Variants in SMPD4 observed in about 807,000 individuals in gnomAD.
The protein encoded by SMPD4 is neutral sphingomyelinase 3.
In SMPD4, 58 loss-of-function variants were observed where a neutral mutation model predicts 97.8. That is an observed-to-expected ratio of 0.59 (90% CI 0.48 to 0.74). SMPD4 has a LOEUF of 0.74. SMPD4 is among the 30% of genes least tolerant of loss of function. The probability of loss-of-function intolerance (pLI) is 0.00; values close to 1 mark genes in which losing one functional copy is unlikely to be tolerated. For synonymous variants in SMPD4, 388 were observed against 450.0 expected (o/e 0.86, Z 1.74); for missense variants, 853 against 1,080.5 (o/e 0.79, Z 2.95).
chr2:130,180,973 G>A (rs1333678101), intron 1 of SMPD4, among the ~76,000 whole-genome samples: 1 of 152,132 alleles, frequency 6.6e-6, no homozygotes, highest in Admixed American at 6.5e-5. Context: ...AGCTGCTTCG[G>A]ACCCCGTTTG....
At position 130,173,638 on chromosome 2, in the gene SMPD4, G is replaced by A. The variant is rs765963554; in HGVS notation, c.145C>T (p.Pro49Ser). ...CCAAAAATGCTTTCTACCAGCCATGGGAAGATGGTGTGCAGCTCCTGAAAC... is the reference window on the plus strand; with the variant it reads ...CCAAAAATGCTTTCTACCAGCCATGAGAAGATGGTGTGCAGCTCCTGAAAC... Reference protein sequence around the residue: ...FPAKELHTIFPWLVESIFGSL... With the variant: ...FPAKELHTIFSWLVESIFGSL... Residue 49 changes from proline to serine, a missense_variant, in exon 4 of 20, where the codon CCA becomes TCA. This residue lies in a region of SMPD4 where 313 missense variants were observed against 402.2 expected (regional missense o/e 0.78). Coordinates refer to ENST00000680298, the MANE Select transcript of SMPD4 (RefSeq NM_017951.5). The A allele has an allele frequency of 2.1e-5, 34 of 1,613,780 alleles. No homozygotes were observed. Among genetic ancestry groups the A allele is most frequent in the Non-Finnish European group, 2.4e-5 (28 of 1,179,880 alleles).
rs1409553907 is a variant in SMPD4, at chr2:130,154,898, TG to T, written c.1453+197del. 65 of 727,616 alleles carry T rather than the reference TG, an allele frequency of 8.9e-5. No homozygotes were observed. The African/African-American group carries it at 1.1e-3, about 12-fold the overall frequency. 45.1% of individuals were successfully genotyped at this position (727,616 alleles called of 1,614,324 possible). ...CTGCGATCCCCCACCCAGTGCCTGGTGGCTGCAGGGCAGGCAGGATCCAGCC... is the reference window on the plus strand; with the variant it reads ...CTGCGATCCCCCACCCAGTGCCTGGTGCTGCAGGGCAGGCAGGATCCAGCC... On this transcript the variant is annotated intron_variant, in intron 15 of 19. Transcript: ENST00000680298.
chr2:130,173,584 T>G lies in SMPD4; in HGVS notation c.199A>C (p.Asn67His). 6.2e-7 allele frequency: 1 copy of G among 1,613,872 alleles called. No individual in the cohort carries two copies. Among genetic ancestry groups the G allele is most frequent in the Non-Finnish European group, 8.5e-7 (1 of 1,179,860 alleles). The stretch of plus-strand genomic sequence containing the variant: ...ACGCGCCCCTGTAAGCAGCGGAGGT[T>G]CCAGCCAACGAGGACACCATCTAGG... ...GSLDGVLVGW[N>H]LRCLQGRVNP... Residue 67 changes from asparagine to histidine, a missense_variant, in exon 4 of 20, where the codon AAC becomes CAC. Around this residue, in one of 3 missense-constraint regions of SMPD4, gnomAD observed 313 missense variants for 402.2 expected, o/e 0.78. Transcript: ENST00000680298.
intron 8 of SMPD4, among the ~76,000 whole-genome samples, chr2:130,171,615 T>C (rs1688474272): frequency 6.6e-6 from 1 of 152,120 alleles, no homozygotes; most frequent in South Asian, 2.1e-4. Context: ...GCCACTCCCT[T>C]TCTCCCCTCC....
intron 8 of SMPD4, among the ~76,000 whole-genome samples, chr2:130,170,612 A>T (rs1351249344): frequency 2.0e-5 from 3 of 151,998 alleles, no homozygotes; most frequent in Non-Finnish European, 4.4e-5. Flanking sequence ...AAAAAATAAA[A>T]TAAAAGCTAG....
chr2:130,156,540 G>A (rs1178435893), intron 13 of SMPD4, 45 bp downstream of exon 13: 2 of 1,578,814 alleles, frequency 1.3e-6, no homozygotes, highest in Non-Finnish European at 1.7e-6. Context: ...CCACCTCAAG[G>A]CACACAGAGG....
At chr2:130,153,251 CAAGG>C in intron 18 of SMPD4, 64 bp downstream of exon 18, 1 of 1,612,644 alleles carries the variant, frequency 6.2e-7, no homozygotes, top group East Asian at 2.2e-5. Context: ...CCTCTGCTCA[CAAGG>C]GAGGAGGGAG....
chr2:130,157,535 G>A, intron 11 of SMPD4, 139 bp from the exon 12 acceptor site: 1 of 1,482,892 alleles, frequency 6.7e-7, no homozygotes, highest in Non-Finnish European at 9.1e-7. Flanking sequence ...CAGGAGTGGG[G>A]CCACCCCATG....
At chr2:130,181,708 G>T (rs1558771969), upstream of SMPD4, 1 of 1,548,460 alleles carries the variant, frequency 6.5e-7, no homozygotes, top group Non-Finnish European at 8.7e-7. Context: ...CCGGCCGGGC[G>T]GGGAAGAGAA....
At chr2:130,181,399 C>G (rs1371670863) in intron 1 of SMPD4, 131 bp downstream of exon 1, 1 of 1,471,244 alleles carries the variant, frequency 6.8e-7, no homozygotes, top group South Asian at 1.4e-5. Context: ...CCCAGCCTGC[C>G]CTGCCTGGGC....
chr2:130,154,245 G>C (rs1686533524), intron 16 of SMPD4, 32 bp downstream of exon 16: 3 of 1,553,722 alleles, frequency 1.9e-6, no homozygotes, highest in Non-Finnish European at 1.7e-6. Context: ...GGCTCCAGGG[G>C]CCCTGAGGAC....
chr2:130,181,439 G>T, intron 1 of SMPD4, 91 bp downstream of exon 1: 1 of 1,520,492 alleles, frequency 6.6e-7, no homozygotes, highest in South Asian at 1.2e-5. Flanking sequence ...GAGTCCTGGG[G>T]CTCGCGGAGG....
Position 130,173,357 on chromosome 2 carries a change from G to C in SMPD4, c.270-3C>G. ...AAACCAACTTCATCATTGGGCCACT[G>C]AACACGAAATTGAACAAACAAACAA... On this transcript the variant is annotated splice_region_variant and splice_polypyrimidine_tract_variant and intron_variant, in intron 4 of 19. Coordinates refer to ENST00000680298, the MANE Select transcript of SMPD4 (RefSeq NM_017951.5). 2.5e-6 allele frequency: 4 copies of C among 1,611,920 alleles called. No individual in the cohort carries two copies. The highest frequency in any genetic ancestry group is 3.4e-6 in the Non-Finnish European group (4 of 1,179,288).
chr2:130,155,410 G>A (rs1686679078), intron 14 of SMPD4, 151 bp from the exon 15 acceptor site: 9 of 1,056,090 alleles, frequency 8.5e-6, no homozygotes, highest in Non-Finnish European at 1.1e-5. Flanking sequence ...CAGCTCAGGG[G>A]GCCACGGGCA....
At chr2:130,152,999 G>C in intron 19 of SMPD4, 44 bp downstream of exon 19, 9 of 1,589,036 alleles carry the variant, frequency 5.7e-6, no homozygotes, top group Non-Finnish European at 5.1e-6. Flanking sequence ...GGAGCATCTA[G>C]AACCCTCTCT....
chr2:130,154,268 A>T lies in SMPD4; in HGVS notation c.1659+9T>A, dbSNP rs762651326. 386 of 1,581,136 alleles carry T rather than the reference A, an allele frequency of 2.4e-4. No individual in the cohort carries two copies. The highest frequency in any genetic ancestry group is 2.8e-4 in the Non-Finnish European group (326 of 1,162,144). The stretch of plus-strand genomic sequence containing the variant: ...GGGCCCTGAGGACAGGCACCGCCGA[A>T]CCACTCACCAGGGTGCGGGCCTCGG... On this transcript the variant is annotated intron_variant, in intron 16 of 19. Coordinates refer to ENST00000680298, the MANE Select transcript of SMPD4 (RefSeq NM_017951.5).
chr2:130,167,628 C>T, intron 8 of SMPD4, 38 bp from the exon 9 acceptor site: 1 of 1,560,112 alleles, frequency 6.4e-7, no homozygotes, highest in South Asian at 1.2e-5. Context: ...GTTACAGGCT[C>T]CCGCTGTAAC....
Position 130,171,580 on chromosome 2 carries a change from G to A in SMPD4, c.659+769C>T, listed in dbSNP as rs145006229. Among the ~76,000 whole-genome samples, 519 of 152,254 alleles carry A rather than the reference G, an allele frequency of 3.4e-3. 2 individuals carry two copies. The highest frequency in any genetic ancestry group is 0.012 in the African/African-American group (480 of 41,552). ...CATTTCAGGGTCACTGATCACTGCCGCTACCTGGGCAGCGTCTCCTCCTTG... is the reference window on the plus strand; with the variant it reads ...CATTTCAGGGTCACTGATCACTGCCACTACCTGGGCAGCGTCTCCTCCTTG... On this transcript the variant is annotated intron_variant, in intron 8 of 19. Coordinates refer to ENST00000680298, the MANE Select transcript of SMPD4 (RefSeq NM_017951.5).
chr2:130,181,724 G>A, upstream of SMPD4: 1 of 1,549,048 alleles, frequency 6.5e-7, no homozygotes, highest in Non-Finnish European at 8.7e-7. Context: ...GAGAAATGGC[G>A]AGGCAGGAGT....
Sources: gnomAD v4.1 joint callset for allele counts (sites outside exome capture counted in the v4.1 genomes callset) on GRCh38, gnomAD v4.1.1 for gene constraint, gnomAD v4.1.1 regional missense constraint, MANE v1.5 for transcripts, NCBI Gene and HGNC (gene_info 2026-07-23, HGNC 2026-07-21) for gene names.